The following ZNF804B variants were observed in gnomAD, a reference collection of about 807,000 sequenced individuals.
ZNF804B encodes zinc finger protein 804B, also known as zinc finger 804B.
ZNF804B carries 80 observed loss-of-function variants against 101.4 expected under a neutral mutation model. That is an observed-to-expected ratio of 0.79 (90% CI 0.66 to 0.95). The LOEUF (loss-of-function observed/expected upper bound fraction) is 0.95, where lower values mean the gene tolerates loss of function less well. ZNF804B is among the 40% of genes least tolerant of loss of function. The pLI is 0.00. For synonymous variants in ZNF804B, 622 were observed against 558.8 expected, an observed-to-expected ratio of 1.11 and a Z score of -1.59; for missense variants, 1,673 against 1,561.9, an observed-to-expected ratio of 1.07 and a Z score of -1.20.
At position 89,335,441 on chromosome 7, in the gene ZNF804B, T is replaced by TA; in HGVS notation, c.2463dup (p.Ser822IlefsTer8). ...AAAAATCAACAACAATTTTCAGGGC[T>TA]AAAATCTACGAGAATCATCTATTGT... On this transcript the variant is annotated frameshift_variant, in exon 4 of 4. Coordinates refer to ENST00000333190, the MANE Select transcript of ZNF804B (RefSeq NM_181646.5). LOFTEE classifies it high-confidence loss of function. 6.2e-7 allele frequency: 1 copy of TA among 1,613,974 alleles called. No individual in the cohort carries two copies.
At chr7:89,228,723 G>A (rs886541864) in intron 2 of ZNF804B, among the ~76,000 whole-genome samples, 10 of 152,318 alleles carry the variant, frequency 6.6e-5, no homozygotes, top group South Asian at 2.1e-4. Context: ...ATCCCACACC[G>A]GGGTGCAGGT....
At chr7:89,232,001 C>T (rs1025474176) in intron 2 of ZNF804B, among the ~76,000 whole-genome samples, 8 of 151,992 alleles carry the variant, frequency 5.3e-5, no homozygotes, top group Non-Finnish European at 7.4e-5. Flanking sequence ...TGTTCTGAAT[C>T]GTAGGTAGAG....
rs145479928 is a variant in ZNF804B at position 89,112,616 on chromosome 7, T to C, written c.109-105539T>C. Among the ~76,000 whole-genome samples the C allele has an allele frequency of 9.9e-3, 1,510 of 152,318 alleles. 24 individuals carry two copies. The highest frequency in any genetic ancestry group is 0.034 in the African/African-American group (1,398 of 41,568). ...TTGCTATTTTGGGATTTTTGCCTTT[T>C]CATACAAGCTCTAGAATCAGTTTGT... On this transcript the variant is annotated intron_variant, in intron 1 of 3. Coordinates refer to ENST00000333190, the MANE Select transcript of ZNF804B (RefSeq NM_181646.5).
intron 2 of ZNF804B, among the ~76,000 whole-genome samples, chr7:89,269,234 C>T (rs2115833426): frequency 6.6e-6 from 1 of 152,162 alleles, no homozygotes; most frequent in Middle Eastern, 3.4e-3. Context: ...CCACAACAGG[C>T]TCTGGTGTGT....
chr7:89,236,775 G>T (rs139231217), intron 2 of ZNF804B, among the ~76,000 whole-genome samples: 25 of 151,956 alleles, frequency 1.6e-4, no homozygotes, highest in Non-Finnish European at 4.4e-5. Flanking sequence ...GGCTCATCTC[G>T]CTGTATTCTT....
chr7:88,913,942 G>A (rs1231461327), intron 1 of ZNF804B, among the ~76,000 whole-genome samples: 1 of 152,184 alleles, frequency 6.6e-6, no homozygotes, highest in African/African-American at 2.4e-5. Context: ...AAATAGAGCT[G>A]ACTGAGCAAA....
intron 1 of ZNF804B, among the ~76,000 whole-genome samples, chr7:89,177,782 G>A (rs527693849): frequency 1.3e-5 from 2 of 151,882 alleles, no homozygotes; most frequent in Non-Finnish European, 2.9e-5. Flanking sequence ...GGCCAGGTGC[G>A]TTGCTCACGC....
intron 1 of ZNF804B, among the ~76,000 whole-genome samples, chr7:88,973,742 T>A: frequency 6.7e-6 from 1 of 149,866 alleles, no homozygotes; most frequent in Non-Finnish European, 1.5e-5. Flanking sequence ...AGTGTTAAAC[T>A]TAATAGTCAG....
intron 1 of ZNF804B, among the ~76,000 whole-genome samples, chr7:88,784,779 T>A (rs1790276149): frequency 6.6e-6 from 1 of 152,156 alleles, no homozygotes; most frequent in Non-Finnish European, 1.5e-5. Flanking sequence ...TACTTTTACA[T>A]TTCTTTGTTA....
chr7:88,921,207 C>T (rs1792713679), intron 1 of ZNF804B, among the ~76,000 whole-genome samples: 2 of 151,788 alleles, frequency 1.3e-5, no homozygotes, highest in Admixed American at 6.6e-5. Flanking sequence ...AGTAGGAGAG[C>T]GAGTTGGGAG....
rs963583128 is a variant in ZNF804B at position 88,897,605 on chromosome 7, T to C, written c.108+137521T>C. Among the ~76,000 whole-genome samples the C allele has an allele frequency of 2.6e-5, 4 of 152,182 alleles. No individual in the cohort carries two copies. The East Asian group carries it at 7.7e-4, about 29-fold the overall frequency. Reference sequence around the variant, plus strand: ...GAAACCTCACCAGAACTCTATAGATTGGAACTCGGATTCCTCAATTTACAG... The same window carrying C: ...GAAACCTCACCAGAACTCTATAGATCGGAACTCGGATTCCTCAATTTACAG... On this transcript the variant is annotated intron_variant, in intron 1 of 3. Transcript: ENST00000333190.
At chr7:89,069,811 T>C (rs952776240) in intron 1 of ZNF804B, among the ~76,000 whole-genome samples, 1 of 152,188 alleles carries the variant, frequency 6.6e-6, no homozygotes, top group African/African-American at 2.4e-5. Flanking sequence ...CACTTAATAT[T>C]TGAATGACCT....
intron 1 of ZNF804B, among the ~76,000 whole-genome samples, chr7:89,118,088 T>TG (rs1790338350): frequency 6.6e-6 from 1 of 152,164 alleles, no homozygotes; most frequent in Non-Finnish European, 1.5e-5. Context: ...AGAAAGAAAC[T>TG]GGATGAACCT....
At chr7:88,776,272 G>C (rs548069894) in intron 1 of ZNF804B, among the ~76,000 whole-genome samples, 1 of 152,182 alleles carries the variant, frequency 6.6e-6, no homozygotes, top group African/African-American at 2.4e-5. Context: ...AATGTTCTCA[G>C]TAGTGACGGG....
At chr7:89,200,783 C>T (rs965291199) in intron 1 of ZNF804B, among the ~76,000 whole-genome samples, 2 of 152,004 alleles carry the variant, frequency 1.3e-5, no homozygotes, top group African/African-American at 2.4e-5. Context: ...CACCGCAACC[C>T]TGATTCTTTC....
chr7:89,305,957 C>T (rs1790556354), intron 2 of ZNF804B, among the ~76,000 whole-genome samples: 1 of 151,774 alleles, frequency 6.6e-6, no homozygotes, highest in South Asian at 2.1e-4. Context: ...AAATGTATGG[C>T]TTTCTGAAAT....
chr7:89,080,921 A>G (rs574281952), intron 1 of ZNF804B, among the ~76,000 whole-genome samples: 4 of 152,104 alleles, frequency 2.6e-5, no homozygotes, highest in South Asian at 2.1e-4. Flanking sequence ...ACAGAAATCT[A>G]TCAACAACTA....
At chr7:88,782,968 C>T (rs971873023) in intron 1 of ZNF804B, among the ~76,000 whole-genome samples, 2 of 152,138 alleles carry the variant, frequency 1.3e-5, no homozygotes, top group African/African-American at 4.8e-5. Flanking sequence ...GTTACAGAAT[C>T]ACTGGCACTT....
intron 1 of ZNF804B, among the ~76,000 whole-genome samples, chr7:88,924,288 C>G (rs1434077944): frequency 1.3e-5 from 2 of 151,832 alleles, no homozygotes; most frequent in East Asian, 3.9e-4. Context: ...TCTATCATAT[C>G]TAATTATTAT....
Sources: allele counts gnomAD v4.1 joint callset (sites outside exome capture counted in the v4.1 genomes callset), GRCh38; gene constraint gnomAD v4.1.1; transcripts MANE v1.5; gene names NCBI Gene and HGNC (gene_info 2026-07-23, HGNC 2026-07-21).